The following PRKAR1B variants were observed in gnomAD, a reference collection of about 807,000 sequenced individuals.
The protein encoded by PRKAR1B is cAMP-dependent protein kinase type I-beta regulatory subunit.
Under a neutral mutation model 46.5 loss-of-function variants are expected in PRKAR1B, and 22 were observed. That is an observed-to-expected ratio of 0.47 (90% CI 0.34 to 0.68). The LOEUF is 0.68. Among genes scored for constraint, PRKAR1B ranks in the 30% least tolerant of loss-of-function variants. The pLI is 0.01. For synonymous variants in PRKAR1B, 259 were observed against 217.7 expected (o/e 1.19, Z -1.67); for missense variants, 445 against 535.6 (o/e 0.83, Z 1.67).
intron 9 of PRKAR1B, among the ~76,000 whole-genome samples, chr7:566,712 C>CTAT (rs1779195669): frequency 0.053 from 2 of 38 alleles, no homozygotes; most frequent in African/African-American, 0.12. Context: ...ATCATCATCA[C>CTAT]CATCATCACC....
chr7:588,165 G>A (rs1313062235), intron 7 of PRKAR1B, among the ~76,000 whole-genome samples: 1 of 152,206 alleles, frequency 6.6e-6, no homozygotes, highest in Non-Finnish European at 1.5e-5. Context: ...TGAGCCCAGC[G>A]AAGGTGTGGC....
chr7:726,989 A>G, intron 1 of PRKAR1B: 1 of 1,270,338 alleles, frequency 7.9e-7, no homozygotes, highest in South Asian at 2.1e-5. Context: ...GACCCCGCCG[A>G]GGGCTGCCGC....
chr7:577,368 C>T (rs1161739514), intron 9 of PRKAR1B, among the ~76,000 whole-genome samples: 4 of 152,200 alleles, frequency 2.6e-5, no homozygotes, highest in Non-Finnish European at 2.9e-5. Context: ...CCTTAAACTC[C>T]GCCACCCTGA....
At position 691,125 on chromosome 7, in the gene PRKAR1B, G is replaced by C. The variant is rs140503778; in HGVS notation, c.178-10399C>G. ...GTCCCACGCCCACCCACACTGGCCA[G>C]TCCGCTGCAAATCCTACCCGAAGGG... On this transcript the variant is annotated intron_variant, in intron 2 of 10. Coordinates refer to ENST00000537384, the MANE Select transcript of PRKAR1B (RefSeq NM_001164760.2). Among the ~76,000 whole-genome samples, 912 of 139,218 alleles carry C rather than the reference G, an allele frequency of 6.6e-3. 24 individuals carry two copies. The highest frequency in any genetic ancestry group is 0.024 in the African/African-American group (817 of 33,904). 91.3% of individuals were successfully genotyped at this position (139,218 alleles called of 152,430 possible). A position where few individuals can be genotyped will look rare whatever the true frequency, so the allele number is the denominator to read the frequency against.
intron 4 of PRKAR1B, among the ~76,000 whole-genome samples, chr7:643,423 A>C (rs1562584537): frequency 6.6e-6 from 1 of 151,470 alleles, no homozygotes; most frequent in Non-Finnish European, 1.5e-5. Flanking sequence ...CAGCTCACTC[A>C]TAAAAAGTCA....
intron 2 of PRKAR1B, among the ~76,000 whole-genome samples, chr7:699,333 A>G (rs951861225): frequency 2.2e-4 from 33 of 152,298 alleles, no homozygotes; most frequent in African/African-American, 7.2e-4. Context: ...ACCACGTGCC[A>G]TATCTCGGTG....
chr7:573,263 C>T (rs1779626709), intron 9 of PRKAR1B, among the ~76,000 whole-genome samples: 1 of 152,220 alleles, frequency 6.6e-6, no homozygotes, highest in South Asian at 2.1e-4. Flanking sequence ...TACCTTCCCT[C>T]GGGTTGAGTT....
At chr7:600,448 C>T (rs1463634516) in intron 6 of PRKAR1B, among the ~76,000 whole-genome samples, 1 of 152,194 alleles carries the variant, frequency 6.6e-6, no homozygotes, top group Non-Finnish European at 1.5e-5. Context: ...GCTATGATCA[C>T]GCCACCGCAC....
At chr7:578,564 A>C (rs1247249431) in intron 9 of PRKAR1B, among the ~76,000 whole-genome samples, 1 of 152,154 alleles carries the variant, frequency 6.6e-6, no homozygotes, top group Non-Finnish European at 1.5e-5. Flanking sequence ...CTGTGTACAC[A>C]CAGTGCCACG....
intron 4 of PRKAR1B, among the ~76,000 whole-genome samples, chr7:653,292 G>A (rs970309112): frequency 2.6e-5 from 4 of 152,132 alleles, no homozygotes; most frequent in South Asian, 4.1e-4. Context: ...GGAATTCAAC[G>A]AGGCCTTCAA....
At chr7:613,681 AC>A (rs1223852761) in intron 4 of PRKAR1B, among the ~76,000 whole-genome samples, 1 of 152,080 alleles carries the variant, frequency 6.6e-6, no homozygotes, top group Non-Finnish European at 1.5e-5. Flanking sequence ...ACGAGGGCCC[AC>A]CGACCAACAC....
intron 4 of PRKAR1B, among the ~76,000 whole-genome samples, chr7:636,791 C>T (rs1333264943): frequency 6.6e-6 from 1 of 152,214 alleles, no homozygotes; most frequent in South Asian, 2.1e-4. Flanking sequence ...ACCTGCACGC[C>T]CCTCCCTCCT....
intron 4 of PRKAR1B, among the ~76,000 whole-genome samples, chr7:643,450 C>G (rs1784485574): frequency 6.6e-6 from 1 of 151,526 alleles, no homozygotes; most frequent in African/African-American, 2.4e-5. Flanking sequence ...TGGACAGGCA[C>G]AGTGGCTCAT....
At chr7:724,016 G>A (rs1274998055) in intron 1 of PRKAR1B, among the ~76,000 whole-genome samples, 2 of 152,182 alleles carry the variant, frequency 1.3e-5, no homozygotes, top group Non-Finnish European at 2.9e-5. Context: ...CATATTGGAT[G>A]AGTGCCCAAC....
intron 4 of PRKAR1B, among the ~76,000 whole-genome samples, chr7:616,592 C>T (rs1782835108): frequency 6.6e-6 from 1 of 152,176 alleles, no homozygotes; most frequent in South Asian, 2.1e-4. Context: ...CTGTGGCAGC[C>T]ATCGCACAGC....
At chr7:597,030 A>G (rs1308174843) in intron 6 of PRKAR1B, among the ~76,000 whole-genome samples, 2 of 152,266 alleles carry the variant, frequency 1.3e-5, no homozygotes, top group Non-Finnish European at 2.9e-5. Context: ...CCTACTATGC[A>G]TTGAGCATCA....
rs375097586 is a variant in PRKAR1B at position 596,132 on chromosome 7, G to C, written c.708+14C>G. ...GTGGGTGTTGGCCTTCTCTGTGCTT[G>C]GGCACCAACTCACCATAAGGATGCG... On this transcript the variant is annotated intron_variant, in intron 7 of 10. Coordinates refer to ENST00000537384, the MANE Select transcript of PRKAR1B (RefSeq NM_001164760.2). The C allele has an allele frequency of 5.1e-5, 82 of 1,608,236 alleles. No individual in the cohort carries two copies. Among genetic ancestry groups the C allele is most frequent in the Non-Finnish European group, 6.8e-5 (80 of 1,175,860 alleles).
intron 6 of PRKAR1B, among the ~76,000 whole-genome samples, chr7:605,801 C>T (rs546194222): frequency 5.3e-5 from 8 of 152,182 alleles, no homozygotes; most frequent in Non-Finnish European, 1.2e-4. Context: ...CTAAGCACGT[C>T]GCTCTCCCAC....
At chr7:636,900 C>T (rs1255523804) in intron 4 of PRKAR1B, among the ~76,000 whole-genome samples, 1 of 152,050 alleles carries the variant, frequency 6.6e-6, no homozygotes, top group African/African-American at 2.4e-5. Flanking sequence ...CAAACCACGG[C>T]GAGTGGGAAA....
Sources: allele counts gnomAD v4.1 joint callset (sites outside exome capture counted in the v4.1 genomes callset), GRCh38; gene constraint gnomAD v4.1.1; transcripts MANE v1.5; gene names NCBI Gene and HGNC (gene_info 2026-07-23, HGNC 2026-07-21).